Variants in SNX9 observed in about 807,000 individuals in gnomAD.
SNX9 encodes sorting nexin 9.
A neutral mutation model predicts 89.4 loss-of-function variants in SNX9; 44 were observed. That is an observed-to-expected ratio of 0.49 (90% CI 0.39 to 0.63). The LOEUF (loss-of-function observed/expected upper bound fraction) is 0.63, where lower values mean the gene tolerates loss of function less well. Ranked by LOEUF, SNX9 falls within the 30% of genes least tolerant of loss-of-function variation. The probability of loss-of-function intolerance (pLI) is 0.00; values close to 1 mark genes in which losing one functional copy is unlikely to be tolerated. For synonymous variants in SNX9, 236 were observed against 247.8 expected (o/e 0.95, Z 0.45); for missense variants, 578 against 736.1 (o/e 0.79, Z 2.49).
chr6:157,832,378 C>G (rs1276400015), intron 1 of SNX9, among the ~76,000 whole-genome samples: 2 of 152,164 alleles, frequency 1.3e-5, no homozygotes, highest in African/African-American at 4.8e-5. Flanking sequence ...AAAGGCCTGT[C>G]CTTGTACTCA....
intron 5 of SNX9, among the ~76,000 whole-genome samples, chr6:157,900,211 T>C (rs926637161): frequency 2.6e-5 from 4 of 152,198 alleles, no homozygotes; most frequent in African/African-American, 9.7e-5. Flanking sequence ...TATTTTTCTT[T>C]GTGTGTGATG....
At chr6:157,914,570 G>A (rs367661331) in intron 9 of SNX9, among the ~76,000 whole-genome samples, 6 of 133,188 alleles carry the variant, frequency 4.5e-5, no homozygotes, top group East Asian at 2.4e-4. Flanking sequence ...TTGACCTCCC[G>A]GGCTCAAGCA....
chr6:157,869,354 C>T (rs3805769), intron 2 of SNX9, among the ~76,000 whole-genome samples: 2 of 152,168 alleles, frequency 1.3e-5, no homozygotes, highest in East Asian at 1.9e-4. Context: ...GGAGGCCAGA[C>T]ACCTTCACCT....
intron 9 of SNX9, among the ~76,000 whole-genome samples, chr6:157,912,524 C>G (rs1562615858): frequency 6.6e-6 from 1 of 152,212 alleles, no homozygotes; most frequent in Non-Finnish European, 1.5e-5. Context: ...GATTCACTAA[C>G]TGGGATATGA....
chr6:157,889,104 A>G (rs1395821145), intron 4 of SNX9, among the ~76,000 whole-genome samples: 1 of 152,166 alleles, frequency 6.6e-6, no homozygotes, highest in African/African-American at 2.4e-5. Context: ...TCTGCAGTTG[A>G]GAGACCAAAG....
chr6:157,876,389 TG>T (rs1162947693), intron 4 of SNX9, among the ~76,000 whole-genome samples: 9 of 152,162 alleles, frequency 5.9e-5, no homozygotes, highest in Non-Finnish European at 1.2e-4. Flanking sequence ...AGGCGGCCAC[TG>T]CAGTAAGCCG....
chr6:157,900,519 C>CG (rs1200650577), intron 5 of SNX9, among the ~76,000 whole-genome samples: 3 of 151,892 alleles, frequency 2.0e-5, no homozygotes, highest in Admixed American at 6.6e-5. Context: ...AAGCTGGGTC[C>CG]GGGGGGGTCA....
At chr6:157,854,022 A>T (rs891179769) in intron 1 of SNX9, among the ~76,000 whole-genome samples, 2 of 152,224 alleles carry the variant, frequency 1.3e-5, no homozygotes, top group African/African-American at 2.4e-5. Flanking sequence ...TATCATTGGT[A>T]TGTTGCCAGT....
At position 157,940,823 on chromosome 6, in the gene SNX9, C is replaced by T. The variant is rs60831221; in HGVS notation, c.1649-60C>T. 584 of 1,437,930 alleles carry T rather than the reference C, an allele frequency of 4.1e-4. 1 individual carries two copies. Among genetic ancestry groups the T allele is most frequent in the African/African-American group, 3.4e-3 (241 of 71,494 alleles). The allele number at this position is 1,437,930 out of a possible 1,614,324, so 89.1% of individuals were successfully genotyped here. On this transcript the variant is annotated intron_variant, in intron 16 of 17. Coordinates refer to ENST00000392185, the MANE Select transcript of SNX9 (RefSeq NM_016224.5). ...ATTAATTGTAACTGAGCAGAGAAAC[C>T]AGGTGTTGTCATTTGAAAACTTGAG...
intron 10 of SNX9, among the ~76,000 whole-genome samples, chr6:157,926,019 A>G (rs1783684851): frequency 6.6e-6 from 1 of 152,230 alleles, no homozygotes; most frequent in Non-Finnish European, 1.5e-5. Flanking sequence ...AAGCCCTTTT[A>G]TCAGGATGCT....
chr6:157,875,726 G>A (rs1286542166), intron 4 of SNX9, among the ~76,000 whole-genome samples: 2 of 152,194 alleles, frequency 1.3e-5, no homozygotes, highest in Non-Finnish European at 2.9e-5. Flanking sequence ...AAGAATACAA[G>A]GAAATTTTAC....
chr6:157,915,006 C>T (rs1464989169), intron 9 of SNX9, among the ~76,000 whole-genome samples: 2 of 151,706 alleles, frequency 1.3e-5, no homozygotes, highest in African/African-American at 4.8e-5. Context: ...TTTTTTTTCA[C>T]ATCGGGATAT....
intron 1 of SNX9, among the ~76,000 whole-genome samples, chr6:157,860,572 A>G (rs1033385007): frequency 6.6e-6 from 1 of 152,248 alleles, no homozygotes; most frequent in Non-Finnish European, 1.5e-5. Flanking sequence ...ACCACATCAA[A>G]TCACTGTTAA....
intron 9 of SNX9, among the ~76,000 whole-genome samples, chr6:157,915,642 T>A (rs199858007): frequency 0.063 from 5,787 of 91,968 alleles, 391 homozygotes; most frequent in East Asian, 0.24. Context: ...AAAAAAAAAA[T>A]ATATATATAT....
chr6:157,908,275 A>G (rs1783259994), intron 7 of SNX9, among the ~76,000 whole-genome samples: 1 of 152,196 alleles, frequency 6.6e-6, no homozygotes, highest in Non-Finnish European at 1.5e-5. Flanking sequence ...CCTGTTCCAT[A>G]AATTATTTCA....
At chr6:157,894,976 A>G (rs887689686) in intron 4 of SNX9, among the ~76,000 whole-genome samples, 1 of 151,788 alleles carries the variant, frequency 6.6e-6, no homozygotes, top group Non-Finnish European at 1.5e-5. Flanking sequence ...CTGAAGATGA[A>G]GGGACACATT....
intron 12 of SNX9, among the ~76,000 whole-genome samples, chr6:157,929,412 A>C (rs1783763302): frequency 6.6e-6 from 1 of 152,186 alleles, no homozygotes; most frequent in African/African-American, 2.4e-5. Context: ...CAGGCCCTGA[A>C]ATGCTGCGAC....
intron 4 of SNX9, among the ~76,000 whole-genome samples, chr6:157,893,366 A>G (rs77279689): frequency 0.012 from 1,823 of 152,262 alleles, 41 homozygotes; most frequent in African/African-American, 0.042. Flanking sequence ...AAGTAACTTC[A>G]GTTTTTTCCT....
chr6:157,874,336 G>T (rs1782477652), intron 3 of SNX9: 2 of 152,210 alleles, frequency 1.3e-5, no homozygotes, highest in African/African-American at 4.8e-5. Flanking sequence ...TGTTTTACTT[G>T]TATGCACTTT....
Sources: allele counts gnomAD v4.1 joint callset (sites outside exome capture counted in the v4.1 genomes callset), GRCh38; gene constraint gnomAD v4.1.1; transcripts MANE v1.5; gene names NCBI Gene and HGNC (gene_info 2026-07-23, HGNC 2026-07-21).